The following GRIK1 variants were observed in gnomAD, a reference collection of about 807,000 sequenced individuals.
The protein encoded by GRIK1 is glutamate ionotropic receptor kainate type subunit 1.
Under a neutral mutation model 105.7 loss-of-function variants are expected in GRIK1, and 69 were observed. That is an observed-to-expected ratio of 0.65 (90% CI 0.54 to 0.80). The LOEUF is 0.80. Among genes scored for constraint, GRIK1 ranks in the 30% least tolerant of loss-of-function variants. The probability of loss-of-function intolerance (pLI) is 0.00; values close to 1 mark genes in which losing one functional copy is unlikely to be tolerated. For synonymous variants in GRIK1, 438 were observed against 431.3 expected (o/e 1.02, Z -0.19); for missense variants, 1,109 against 1,167.3 (o/e 0.95, Z 0.73).
At chr21:29,881,053 G>C (rs1027278894) in intron 1 of GRIK1, among the ~76,000 whole-genome samples, 2 of 152,108 alleles carry the variant, frequency 1.3e-5, no homozygotes, top group African/African-American at 4.8e-5. Flanking sequence ...AATTTCTGTG[G>C]AAAAGCCTAA....
intron 1 of GRIK1, among the ~76,000 whole-genome samples, chr21:29,897,539 C>A (rs766140941): frequency 5.9e-5 from 9 of 152,112 alleles, no homozygotes; most frequent in Non-Finnish European, 1.3e-4. Context: ...TAATCAATTT[C>A]AATAATGATT....
chr21:29,539,257 G>A (rs901557160), intron 16 of GRIK1, among the ~76,000 whole-genome samples: 3 of 152,154 alleles, frequency 2.0e-5, no homozygotes, highest in African/African-American at 7.2e-5. Flanking sequence ...CACAATGTAT[G>A]CTGAAGATAT....
At chr21:29,925,664 A>G (rs1364758459) in intron 1 of GRIK1, among the ~76,000 whole-genome samples, 2 of 152,238 alleles carry the variant, frequency 1.3e-5, no homozygotes, top group African/African-American at 2.4e-5. Context: ...CAGCAAACTT[A>G]GCATACTCTC....
At chr21:29,731,947 T>G (rs1212151145) in intron 1 of GRIK1, among the ~76,000 whole-genome samples, 1 of 152,212 alleles carries the variant, frequency 6.6e-6, no homozygotes, top group East Asian at 1.9e-4. Context: ...GTTACTCATA[T>G]AGGAGCTCTT....
chr21:29,834,969 G>A (rs944873226), intron 1 of GRIK1, among the ~76,000 whole-genome samples: 1 of 151,590 alleles, frequency 6.6e-6, no homozygotes, highest in East Asian at 1.9e-4. Context: ...CTTTAGCACA[G>A]GTTTGGCTCT....
At chr21:29,648,628 A>G (rs1014645911) in intron 6 of GRIK1, among the ~76,000 whole-genome samples, 24 of 152,202 alleles carry the variant, frequency 1.6e-4, no homozygotes, top group African/African-American at 3.9e-4. Context: ...CCTCTTTTTC[A>G]TAAAAGACAC....
intron 1 of GRIK1, among the ~76,000 whole-genome samples, chr21:29,794,463 AC>A (rs797005596): frequency 7.9e-5 from 12 of 152,312 alleles, no homozygotes; most frequent in African/African-American, 2.9e-4. Flanking sequence ...TGAGGAAGTT[AC>A]TTTGGGTTTA....
chr21:29,574,262 G>A (rs1340403083), intron 14 of GRIK1, among the ~76,000 whole-genome samples: 1 of 152,114 alleles, frequency 6.6e-6, no homozygotes, highest in African/African-American at 2.4e-5. Flanking sequence ...GTGTACAGTG[G>A]CAAAGTCAGG....
chr21:29,612,982 A>C (rs2061763113), intron 7 of GRIK1, among the ~76,000 whole-genome samples: 1 of 152,210 alleles, frequency 6.6e-6, no homozygotes, highest in Non-Finnish European at 1.5e-5. Flanking sequence ...TTTGGAATCA[A>C]ATGACTGGGG....
chr21:29,661,469 C>T (rs1050490373), intron 4 of GRIK1, among the ~76,000 whole-genome samples: 1 of 151,948 alleles, frequency 6.6e-6, no homozygotes, highest in Non-Finnish European at 1.5e-5. Context: ...AATGGGAATG[C>T]GTAAATAGAA....
In GRIK1 at chr21:29,662,699, A is replaced by G. The variant is rs557226095; in HGVS notation, c.727-7836T>C. Reference sequence around the variant, plus strand: ...ATCTCTATTGCCCAGTAAAGTCTTCATGAGTCTGGGGCCTGATCTTCAGCT... The same window carrying G: ...ATCTCTATTGCCCAGTAAAGTCTTCGTGAGTCTGGGGCCTGATCTTCAGCT... On this transcript the variant is annotated intron_variant, in intron 4 of 17. Transcript: ENST00000327783. 2.0e-5 allele frequency among the ~76,000 whole-genome samples: 3 copies of G among 152,152 alleles called. No individual in the cohort carries two copies. The East Asian group carries it at 5.8e-4, about 29-fold the overall frequency.
Position 29,598,899 on chromosome 21 carries a change from A to G in GRIK1, c.1137T>C (p.Asn379=), listed in dbSNP as rs776090247. The G allele has an allele frequency of 3.1e-6, 5 of 1,597,590 alleles. No homozygotes were observed. Among genetic ancestry groups the G allele is most frequent in the Non-Finnish European group, 4.3e-6 (5 of 1,168,234 alleles). Residue 379 remains asparagine, a synonymous_variant, in exon 8 of 18, where the codon AAT becomes AAC. Coordinates refer to ENST00000327783, the MANE Select transcript of GRIK1 (RefSeq NM_001330994.2). Reference sequence around the variant, plus strand: ...AATCCTTCCTCAAGCCATTGGTTTTATTAAAGGTGATATGCCCAGTCAAGC... The same window carrying G: ...AATCCTTCCTCAAGCCATTGGTTTTGTTAAAGGTGATATGCCCAGTCAAGC... The part of the protein sequence containing the change: ...WDGLTGHITF[N]KTNGLRKDFD...
chr21:29,848,768 TA>T (rs1197402314), intron 1 of GRIK1, among the ~76,000 whole-genome samples: 325 of 97,110 alleles, frequency 3.3e-3, no homozygotes, highest in African/African-American at 0.017. Flanking sequence ...TATATATATA[TA>T]TATATATATA....
In GRIK1 at chr21:29,819,675, C is replaced by T. The variant is rs114018335; in HGVS notation, c.118+119708G>A. 5.3e-3 allele frequency among the ~76,000 whole-genome samples: 804 copies of T among 151,898 alleles called. 10 individuals carry two copies. The highest frequency in any genetic ancestry group is 0.019 in the African/African-American group (769 of 41,480). ...AACTTCTATAAGGTCATCATAATTC[C>T]TCCTCCCCCAGAGAAAATCTAACAG... On this transcript the variant is annotated intron_variant, in intron 1 of 17. Transcript: ENST00000327783.
intron 1 of GRIK1, among the ~76,000 whole-genome samples, chr21:29,781,915 C>T (rs1942077614): frequency 6.6e-6 from 1 of 150,744 alleles, no homozygotes; most frequent in Admixed American, 6.6e-5. Context: ...CATGATCCAC[C>T]CGCCTCGGCC....
chr21:29,847,350 C>A lies in GRIK1; in HGVS notation c.118+92033G>T, dbSNP rs147478194. ...GTGGCTCATGCCTGCAATCCCAGCA[C>A]TTTGGGAGGCCCAGGCGGGTGGATC... is the stretch of plus-strand genomic sequence containing the variant. On this transcript the variant is annotated intron_variant, in intron 1 of 17. Transcript: ENST00000327783. Among the ~76,000 whole-genome samples the A allele has an allele frequency of 7.2e-3, 1,097 of 152,338 alleles. 12 individuals carry two copies. The highest frequency in any genetic ancestry group is 0.024 in the African/African-American group (998 of 41,576).
intron 7 of GRIK1, among the ~76,000 whole-genome samples, chr21:29,609,127 A>G (rs1035640073): frequency 6.7e-6 from 1 of 149,652 alleles, no homozygotes; most frequent in African/African-American, 2.4e-5. Context: ...ATAAAAAGGT[A>G]TTATTAAATA....
intron 15 of GRIK1, among the ~76,000 whole-genome samples, chr21:29,557,760 A>G (rs956560509): frequency 2.6e-5 from 4 of 152,204 alleles, no homozygotes; most frequent in Admixed American, 6.5e-5. Flanking sequence ...AATAATGGCT[A>G]GTGTAAAAAT....
chr21:29,624,779 G>A (rs2062084948), intron 7 of GRIK1, among the ~76,000 whole-genome samples: 2 of 152,246 alleles, frequency 1.3e-5, no homozygotes, highest in Admixed American at 6.5e-5. Flanking sequence ...AGCCCAGGCT[G>A]GGGGCTAAAC....
Sources: allele counts gnomAD v4.1 joint callset (sites outside exome capture counted in the v4.1 genomes callset), GRCh38; gene constraint gnomAD v4.1.1; transcripts MANE v1.5; gene names NCBI Gene and HGNC (gene_info 2026-07-23, HGNC 2026-07-21).